CACNA1E: variants seen among roughly 807,000 people sequenced by gnomAD.
CACNA1E encodes calcium voltage-gated channel subunit alpha1 E.
CACNA1E carries 40 observed loss-of-function variants against 259.2 expected under a neutral mutation model. That is an observed-to-expected ratio of 0.15 (90% CI 0.12 to 0.20). CACNA1E has a LOEUF of 0.20. CACNA1E is among the 10% of genes least tolerant of loss of function. The pLI, the probability that CACNA1E is intolerant of heterozygous loss-of-function variation, is 1.00. For missense variants in CACNA1E, 1,874 were observed against 3,040.1 expected (o/e 0.62, Z 9.02); for synonymous variants, 1,104 against 1,138.5 (o/e 0.97, Z 0.61).
Position 181,673,162 on chromosome 1 carries a change from A to G in CACNA1E, c.1055+21721A>G, listed in dbSNP as rs377527998. Among the ~76,000 whole-genome samples the G allele has an allele frequency of 4.6e-5, 7 of 152,326 alleles. No homozygotes were observed. In the East Asian group the frequency reaches 1.2e-3, roughly 25 times the overall value. On this transcript the variant is annotated intron_variant, in intron 7 of 47. Transcript: ENST00000367573. ...TACCTCAGCCCTGCTCCACCAAGCA[A>G]CTGGGAAACTGGGACATAGATACAT...
chr1:181,542,404 A>G (rs1197941454), intron 3 of CACNA1E, among the ~76,000 whole-genome samples: 1 of 152,148 alleles, frequency 6.6e-6, no homozygotes, highest in Non-Finnish European at 1.5e-5. Flanking sequence ...AGTGGCTGAT[A>G]TTGTTTGGCT....
At chr1:181,743,432 G>A (rs1285436665) in intron 25 of CACNA1E, among the ~76,000 whole-genome samples, 4 of 152,206 alleles carry the variant, frequency 2.6e-5, no homozygotes, top group African/African-American at 9.7e-5. Flanking sequence ...GGCAAAGATG[G>A]TTACAGCCTT....
chr1:181,391,905 C>G (rs1317508930), intron 1 of CACNA1E, among the ~76,000 whole-genome samples: 1 of 134,816 alleles, frequency 7.4e-6, no homozygotes, highest in Non-Finnish European at 1.6e-5. Context: ...CTGTCTCTCT[C>G]TCTGTCTTTC....
In CACNA1E at chr1:181,484,118, G is replaced by A. The variant is rs1463065134; in HGVS notation, c.266+108G>A. ...CCCCACCCCTTCCTGGTGCCAATTT[G>A]CCCCTTTGCTGAAGCACACTCTTCG... On this transcript the variant is annotated intron_variant, in intron 1 of 47. Transcript: ENST00000367573. 5.1e-6 allele frequency: 6 copies of A among 1,167,774 alleles called. No homozygotes were observed. In the East Asian group the frequency reaches 1.2e-4, roughly 23 times the overall value. 72.3% of individuals were successfully genotyped at this position (1,167,774 alleles called of 1,614,324 possible).
At chr1:181,505,321 C>T (rs1453193409) in intron 1 of CACNA1E, among the ~76,000 whole-genome samples, 2 of 152,140 alleles carry the variant, frequency 1.3e-5, no homozygotes, top group Non-Finnish European at 2.9e-5. Flanking sequence ...GAAGACTCAT[C>T]ATCCTTCCAG....
At chr1:181,577,960 A>ACAATATTC in intron 4 of CACNA1E, 91 bp downstream of exon 4, 1 of 778,174 alleles carries the variant, frequency 1.3e-6, no homozygotes, top group Non-Finnish European at 2.2e-6. Flanking sequence ...GGATAAACAA[A>ACAATATTC]CAATATTCCT....
intron 5 of CACNA1E, among the ~76,000 whole-genome samples, 156 bp downstream of exon 5, chr1:181,579,380 T>C (rs1371635766): frequency 6.6e-6 from 1 of 152,180 alleles, no homozygotes; most frequent in Non-Finnish European, 1.5e-5. Flanking sequence ...TGAGGCACAG[T>C]CAACCAAGAC....
intron 2 of CACNA1E, among the ~76,000 whole-genome samples, chr1:181,476,050 G>T (rs1051076512): frequency 4.6e-5 from 7 of 152,276 alleles, no homozygotes; most frequent in African/African-American, 1.7e-4. Context: ...ACTGGGAGAT[G>T]TGGTGGCTGG....
At chr1:181,789,015 G>A (rs1458350221) in intron 43 of CACNA1E, among the ~76,000 whole-genome samples, 3 of 134,180 alleles carry the variant, frequency 2.2e-5, no homozygotes, top group South Asian at 5.4e-4. Flanking sequence ...CCCCAGGCAC[G>A]TGCTATCACT....
rs950861751 is a variant in CACNA1E, at chr1:181,803,849, A to G, written c.*5015A>G. 6.6e-6 allele frequency: 1 copy of G among 152,210 alleles called. No homozygotes were observed. Among genetic ancestry groups the G allele is most frequent in the African/African-American group, 2.4e-5 (1 of 41,454 alleles). 9.4% of individuals were successfully genotyped at this position (152,210 alleles called of 1,614,324 possible). A position where few individuals can be genotyped will look rare whatever the true frequency, so the allele number is the denominator to read the frequency against. ...CAAAGGGCCTGAAAAGCCTCTCTAA[A>G]CAAAACTCAAGATAGCTGAGAAGTA... is the stretch of plus-strand genomic sequence containing the variant. On this transcript the variant is annotated 3_prime_UTR_variant, in exon 48 of 48. Transcript: ENST00000367573.
intron 1 of CACNA1E, among the ~76,000 whole-genome samples, chr1:181,383,194 T>C (rs1334581962): frequency 6.6e-6 from 1 of 152,244 alleles, no homozygotes; most frequent in African/African-American, 2.4e-5. Context: ...GCCCAATTGT[T>C]ATACTTACTT....
chr1:181,519,488 G>A (rs1039662335), intron 3 of CACNA1E, among the ~76,000 whole-genome samples: 26 of 152,154 alleles, frequency 1.7e-4, no homozygotes, highest in Non-Finnish European at 3.2e-4. Context: ...AAGAAAGAAC[G>A]TATGAAGACA....
At chr1:181,595,695 G>T (rs1653088367) in intron 6 of CACNA1E, among the ~76,000 whole-genome samples, 1 of 152,116 alleles carries the variant, frequency 6.6e-6, no homozygotes, top group African/African-American at 2.4e-5. Flanking sequence ...AGGTCACCAA[G>T]ATAACACTCC....
intron 6 of CACNA1E, among the ~76,000 whole-genome samples, chr1:181,605,989 C>T (rs186647387): frequency 3.3e-5 from 5 of 152,236 alleles, no homozygotes; most frequent in African/African-American, 7.2e-5. Context: ...GCATTCAACA[C>T]GGTTGCTTTC....
At chr1:181,359,038 A>G (rs1653660515) in intron 1 of CACNA1E, among the ~76,000 whole-genome samples, 1 of 152,234 alleles carries the variant, frequency 6.6e-6, no homozygotes, top group Non-Finnish European at 1.5e-5. Flanking sequence ...TTAGCCACTC[A>G]CTAACTGTTG....
rs558244067 is a variant in CACNA1E, at chr1:181,738,910, T to G, written c.3613-237T>G. Among the ~76,000 whole-genome samples the G allele has an allele frequency of 2.2e-4, 34 of 152,102 alleles. 1 individual carries two copies. Among genetic ancestry groups the G allele is most frequent in the African/African-American group, 7.9e-4 (33 of 41,554 alleles). Reference sequence around the variant, plus strand: ...AGCCATAAATGAAAGGAGGAATGTGTCAGGGTTCTGTGACAACCAAGGAGT... The same window carrying G: ...AGCCATAAATGAAAGGAGGAATGTGGCAGGGTTCTGTGACAACCAAGGAGT... On this transcript the variant is annotated intron_variant, in intron 24 of 47. Transcript: ENST00000367573.
intron 28 of CACNA1E, 59 bp from the exon 29 acceptor site, chr1:181,755,897 C>G (rs1658049362): frequency 6.4e-7 from 1 of 1,552,640 alleles, no homozygotes; most frequent in Non-Finnish European, 8.8e-7. Context: ...AATGTGCTGA[C>G]TCTTCTGTAG....
intron 7 of CACNA1E, among the ~76,000 whole-genome samples, chr1:181,667,306 T>G (rs962699803): frequency 6.6e-6 from 1 of 152,118 alleles, no homozygotes; most frequent in Non-Finnish European, 1.5e-5. Flanking sequence ...CAGGAGATGA[T>G]GAATGACTGG....
At chr1:181,372,827 TA>T (rs368629717) in intron 1 of CACNA1E, among the ~76,000 whole-genome samples, 34,224 of 125,144 alleles carry the variant, frequency 0.27, 3,930 homozygotes, top group Admixed American at 0.31. Context: ...TATATATATA[TA>T]TTTTTTTTTT....
Sources: gnomAD v4.1 joint callset for allele counts (sites outside exome capture counted in the v4.1 genomes callset) on GRCh38, gnomAD v4.1.1 for gene constraint, MANE v1.5 for transcripts, NCBI Gene and HGNC (gene_info 2026-07-23, HGNC 2026-07-21) for gene names.